The following CDC37L1 variants were observed in gnomAD, a reference collection of about 807,000 sequenced individuals.
CDC37L1 encodes cell division cycle 37 like 1, HSP90 cochaperone.
In CDC37L1, 32 loss-of-function variants were observed where a neutral mutation model predicts 45.9. That is an observed-to-expected ratio of 0.70 (90% CI 0.53 to 0.94). The LOEUF (loss-of-function observed/expected upper bound fraction) is 0.94. CDC37L1 is among the 40% of genes least tolerant of loss of function. The pLI is 0.00. For missense variants in CDC37L1, 434 were observed against 405.7 expected, an observed-to-expected ratio of 1.07 and a Z score of -0.60; for synonymous variants, 150 against 133.0, an observed-to-expected ratio of 1.13 and a Z score of -0.88.
Position 4,697,849 on chromosome 9 carries a change from G to T in CDC37L1, c.717G>T (p.Gly239=). The T allele has an allele frequency of 6.2e-7, 1 of 1,613,146 alleles. No individual in the cohort carries two copies. The highest frequency in any genetic ancestry group is 8.5e-7 in the Non-Finnish European group (1 of 1,179,380). ...AAAACTGTAATGTGGATCCAAGAGG[G>T]TGTTTTCGTTTATTTTTCCAGAAAG... ...MAKNCNVDPR[G]CFRLFFQKAK... The change falls in exon 5 of 7, where the codon GGG becomes GGT. Residue 239 remains glycine (G), a synonymous_variant. Transcript: ENST00000381854.
chr9:4,686,330 ATCTT>A (rs1211137490), intron 2 of CDC37L1, among the ~76,000 whole-genome samples: 1 of 152,158 alleles, frequency 6.6e-6, no homozygotes, highest in East Asian at 1.9e-4. Context: ...AGTGAGTCAT[ATCTT>A]TCTCGACTTT....
chr9:4,690,463 A>C (rs1355344831), intron 3 of CDC37L1, among the ~76,000 whole-genome samples: 1 of 152,170 alleles, frequency 6.6e-6, no homozygotes, highest in East Asian at 1.9e-4. Context: ...TCAGTGGCTA[A>C]ACTGGATTAG....
rs1287142740 is a variant in CDC37L1 at position 4,702,016 on chromosome 9, A to G, written c.900A>G (p.Glu300=). Reference sequence around the variant, plus strand: ...GTGTTGGATCTATAGGTTTATTAGAATCCTTACCACAGGTAAGTTGGAAAA... The same window carrying G: ...GTGTTGGATCTATAGGTTTATTAGAGTCCTTACCACAGGTAAGTTGGAAAA... ...HSGVGSIGLL[E]SLPQNPDYLQ... Residue 300 remains glutamate (E), a synonymous_variant, in exon 6 of 7, where the codon GAA becomes GAG. Coordinates refer to ENST00000381854, the MANE Select transcript of CDC37L1 (RefSeq NM_017913.4). The G allele has an allele frequency of 7.0e-7, 1 of 1,433,742 alleles. No homozygotes were observed. The highest frequency in any genetic ancestry group is 9.2e-7 in the Non-Finnish European group (1 of 1,084,426). 88.8% of individuals were successfully genotyped at this position (1,433,742 alleles called of 1,614,324 possible).
At chr9:4,687,521 A>G (rs1228872987) in intron 2 of CDC37L1, among the ~76,000 whole-genome samples, 1 of 151,996 alleles carries the variant, frequency 6.6e-6, no homozygotes, top group Admixed American at 6.6e-5. Flanking sequence ...TCTACAAAAA[A>G]TTTAAAAATT....
chr9:4,696,560 A>G (rs183028267), intron 3 of CDC37L1, among the ~76,000 whole-genome samples: 136 of 152,242 alleles, frequency 8.9e-4, no homozygotes, highest in South Asian at 4.2e-4. Context: ...TAAAAAGTCA[A>G]CACTTTGCTG....
intron 2 of CDC37L1, among the ~76,000 whole-genome samples, chr9:4,686,105 A>G (rs929718633): frequency 1.3e-5 from 2 of 152,216 alleles, no homozygotes; most frequent in African/African-American, 4.8e-5. Context: ...CAGGAGGTAG[A>G]GGTTGCAGTG....
intron 4 of CDC37L1, 86 bp downstream of exon 4, chr9:4,697,297 A>T: frequency 1.4e-6 from 1 of 700,548 alleles, no homozygotes; most frequent in Admixed American, 2.8e-5. Flanking sequence ...TGTTTTCTAC[A>T]TTAAGTCCTT....
chr9:4,684,189 C>T (rs1841224710), intron 1 of CDC37L1, among the ~76,000 whole-genome samples: 1 of 152,148 alleles, frequency 6.6e-6, no homozygotes, highest in Admixed American at 6.5e-5. Flanking sequence ...GAGGCTGAGG[C>T]AGGAAAATCA....
intron 3 of CDC37L1, among the ~76,000 whole-genome samples, chr9:4,693,886 A>G (rs1841323576): frequency 6.6e-6 from 1 of 152,194 alleles, no homozygotes; most frequent in Non-Finnish European, 1.5e-5. Flanking sequence ...AGAGGAGGAA[A>G]TGGAGGCATA....
intron 6 of CDC37L1, among the ~76,000 whole-genome samples, chr9:4,704,988 C>G (rs554166608): frequency 6.6e-6 from 1 of 152,130 alleles, no homozygotes; most frequent in South Asian, 2.1e-4. Context: ...GTTGTCCCTG[C>G]TACTTCCTTC....
intron 3 of CDC37L1, among the ~76,000 whole-genome samples, chr9:4,691,537 G>C (rs540381755): frequency 2.5e-4 from 38 of 152,180 alleles, no homozygotes; most frequent in African/African-American, 9.2e-4. Context: ...AGGCTTTCTG[G>C]ACTTGGATTG....
At chr9:4,699,757 C>T (rs1841380385) in intron 5 of CDC37L1, among the ~76,000 whole-genome samples, 1 of 151,980 alleles carries the variant, frequency 6.6e-6, no homozygotes, top group Non-Finnish European at 1.5e-5. Context: ...AGTAATGATC[C>T]ATATCCTAAT....
intron 3 of CDC37L1, among the ~76,000 whole-genome samples, chr9:4,694,126 G>A (rs1470538454): frequency 6.6e-6 from 1 of 152,138 alleles, no homozygotes; most frequent in Non-Finnish European, 1.5e-5. Flanking sequence ...TGTCACCCAG[G>A]CTGGATTACA....
rs1173442898 is a variant in CDC37L1 at position 4,685,035 on chromosome 9, A to G, written c.291A>G (p.Gln97=). ...TGGATCAGGAGCATGCCAAAGCACA[A>G]ACAGCAGTATCAGAACTGAGGCAAC... The part of the protein sequence containing the change: ...ESLDQEHAKA[Q]TAVSELRQRE... The change falls in exon 2 of 7, where the codon CAA becomes CAG. Residue 97 remains glutamine (Q), a synonymous_variant. Coordinates refer to ENST00000381854, the MANE Select transcript of CDC37L1 (RefSeq NM_017913.4). The G allele has an allele frequency of 6.2e-7, 1 of 1,614,220 alleles. No individual in the cohort carries two copies.
At chr9:4,692,192 A>G (rs184270482) in intron 3 of CDC37L1, among the ~76,000 whole-genome samples, 104 of 151,952 alleles carry the variant, frequency 6.8e-4, no homozygotes, top group African/African-American at 2.4e-3. Flanking sequence ...ACATATCAAT[A>G]TCTTATTTTT....
At chr9:4,703,246 A>C (rs1841416254) in intron 6 of CDC37L1, 222 of 651,012 alleles carry the variant, frequency 3.4e-4, no homozygotes, top group Non-Finnish European at 4.7e-4. Flanking sequence ...ACCTTATCTC[A>C]CTGTAATTTC....
Position 4,679,728 on chromosome 9 carries a change from G to T in CDC37L1, c.-40G>T, listed in dbSNP as rs779334297. On this transcript the variant is annotated 5_prime_UTR_variant, in exon 1 of 7. Transcript: ENST00000381854. ...GCCAAGTCTGTTGGCAGTGGCAGTT[G>T]TAGGGCCAAGGGCGGTTGTAGGACC... The T allele has an allele frequency of 1.5e-5, 23 of 1,579,404 alleles. No individual in the cohort carries two copies. The highest frequency in any genetic ancestry group is 1.9e-5 in the Non-Finnish European group (22 of 1,159,754).
At chr9:4,697,965 C>T (rs1270610700) in intron 5 of CDC37L1, 86 bp downstream of exon 5, 1 of 1,220,878 alleles carries the variant, frequency 8.2e-7, no homozygotes, top group African/African-American at 1.5e-5. Context: ...AGAAGGCATC[C>T]AAGCAGGATG....
chr9:4,681,274 A>G (rs1206560594), intron 1 of CDC37L1, among the ~76,000 whole-genome samples: 1 of 152,234 alleles, frequency 6.6e-6, no homozygotes, highest in East Asian at 1.9e-4. Flanking sequence ...GTGCACTTCT[A>G]AATTTGTTTA....
Sources: allele counts gnomAD v4.1 joint callset (sites outside exome capture counted in the v4.1 genomes callset), GRCh38; gene constraint gnomAD v4.1.1; transcripts MANE v1.5; gene names NCBI Gene and HGNC (gene_info 2026-07-23, HGNC 2026-07-21).